The following TTC28 variants were observed in gnomAD, a reference collection of about 807,000 sequenced individuals.
TTC28 encodes tetratricopeptide repeat protein 28.
In TTC28, 61 loss-of-function variants were observed where a neutral mutation model predicts 198.0. That is an observed-to-expected ratio of 0.31 (90% confidence interval 0.25 to 0.38). The LOEUF (loss-of-function observed/expected upper bound fraction) is 0.38. TTC28 is among the 10% of genes least tolerant of loss of function. TTC28 has a pLI of 1.00. For synonymous variants in TTC28, 1,171 were observed against 1,297.8 expected (o/e 0.90, Z 2.10); for missense variants, 2,678 against 3,164.0 (o/e 0.85, Z 3.69).
At chr22:28,387,320 T>C (rs941604347) in intron 2 of TTC28, among the ~76,000 whole-genome samples, 18 of 152,228 alleles carry the variant, frequency 1.2e-4, no homozygotes, top group Admixed American at 2.6e-4. Context: ...GCATGTGTCT[T>C]TATAGCAGCA....
At chr22:28,002,565 C>A (rs565146278) in intron 14 of TTC28, 15 of 151,968 alleles carry the variant, frequency 9.9e-5, no homozygotes, top group South Asian at 6.2e-4. Context: ...CAAAGTGACA[C>A]ATGCCTGGCG....
At chr22:28,131,336 T>C (rs1243121298) in intron 6 of TTC28, among the ~76,000 whole-genome samples, 1 of 152,204 alleles carries the variant, frequency 6.6e-6, no homozygotes, top group East Asian at 1.9e-4. Context: ...TCCCAATGAA[T>C]CCATCATAAA....
intron 2 of TTC28, among the ~76,000 whole-genome samples, chr22:28,370,609 T>C (rs1397675923): frequency 1.3e-5 from 2 of 152,174 alleles, no homozygotes; most frequent in African/African-American, 4.8e-5. Context: ...ACATTTATAA[T>C]AATATATTTA....
At chr22:28,523,356 A>G (rs552385204) in intron 2 of TTC28, among the ~76,000 whole-genome samples, 15 of 152,350 alleles carry the variant, frequency 9.8e-5, no homozygotes, top group African/African-American at 3.6e-4. Context: ...CAGCAAAAGG[A>G]TATCACAATT....
At chr22:28,505,243 C>A (rs2048593493) in intron 2 of TTC28, among the ~76,000 whole-genome samples, 3 of 122,040 alleles carry the variant, frequency 2.5e-5, no homozygotes, top group Admixed American at 1.1e-4. Context: ...GGCAACAGAG[C>A]GAGACTCCGT....
intron 5 of TTC28, among the ~76,000 whole-genome samples, chr22:28,202,471 AG>A (rs1926050093): frequency 6.6e-6 from 1 of 151,900 alleles, no homozygotes; most frequent in East Asian, 1.9e-4. Context: ...TGGGAGACAA[AG>A]GTTGCAGTGA....
chr22:28,644,597 G>T (rs573993115), intron 1 of TTC28, among the ~76,000 whole-genome samples: 1 of 152,040 alleles, frequency 6.6e-6, no homozygotes, highest in African/African-American at 2.4e-5. Context: ...GGCCAAGACG[G>T]GCAAATCACT....
Position 28,005,846 on chromosome 22 carries a change from C to T in TTC28, c.4219-4293G>A, listed in dbSNP as rs1288280738. 6.6e-6 allele frequency among the ~76,000 whole-genome samples: 1 copy of T among 152,224 alleles called. No individual in the cohort carries two copies. Among genetic ancestry groups the T allele is most frequent in the Non-Finnish European group, 1.5e-5 (1 of 68,040 alleles). Reference sequence around the variant, plus strand: ...CAAACAGTGGACATATCTCTGTGTCCTGTGGGCTGAATCACACCTCCTCCC... The same window carrying T: ...CAAACAGTGGACATATCTCTGTGTCTTGTGGGCTGAATCACACCTCCTCCC... On this transcript the variant is annotated intron_variant, in intron 14 of 22. Transcript: ENST00000397906. The surrounding 1 kb of genome is among the most constrained non-coding windows in gnomAD (Gnocchi z 4.9).
chr22:27,995,639 C>T (rs1464236779), intron 17 of TTC28, among the ~76,000 whole-genome samples: 2 of 152,172 alleles, frequency 1.3e-5, no homozygotes, highest in African/African-American at 4.8e-5. Flanking sequence ...GACTCTGCGC[C>T]AAGTACTCAC....
At chr22:27,998,090 C>T (rs1440207915) in intron 16 of TTC28, 2 of 192,614 alleles carry the variant, frequency 1.0e-5, no homozygotes, top group Admixed American at 5.3e-5. Flanking sequence ...AAATGTGGAC[C>T]GGGTGGTGTC....
rs1462752312 is a variant in TTC28 at position 28,163,569 on chromosome 22, G to A, written c.964C>T (p.His322Tyr). Residue 322 changes from histidine to tyrosine, a missense_variant, in exon 6 of 23, where the codon CAC becomes TAC. His to Tyr is a moderately conservative substitution (Grantham distance 83). This residue lies in a region of TTC28 where 775 missense variants were observed against 845.9 expected (regional missense o/e 0.92). Coordinates refer to ENST00000397906, the MANE Select transcript of TTC28 (RefSeq NM_001145418.2). The stretch of plus-strand genomic sequence containing the variant: ...TAGTCTCCAATGGCTGTGTACACGT[G>A]GCCCAGACTGCTCAAGGCTGATGAA... ...AASSALSSLG[H>Y]VYTAIGDYPN... 3.9e-6 allele frequency: 6 copies of A among 1,549,198 alleles called. No homozygotes were observed. Among genetic ancestry groups the A allele is most frequent in the Non-Finnish European group, 5.2e-6 (6 of 1,145,748 alleles).
intron 2 of TTC28, among the ~76,000 whole-genome samples, chr22:28,489,110 C>T (rs1323509896): frequency 1.3e-5 from 2 of 152,020 alleles, no homozygotes. Context: ...AAAGCAAGAC[C>T]TTGTCTTTAC....
intron 2 of TTC28, among the ~76,000 whole-genome samples, chr22:28,575,699 C>T (rs1379154325): frequency 6.6e-6 from 1 of 152,052 alleles, no homozygotes; most frequent in Non-Finnish European, 1.5e-5. Context: ...CAGTGTTTTA[C>T]ACTTTTCATT....
At chr22:28,404,467 G>C (rs1222792048) in intron 2 of TTC28, among the ~76,000 whole-genome samples, 2 of 152,056 alleles carry the variant, frequency 1.3e-5, no homozygotes, top group African/African-American at 4.8e-5. Flanking sequence ...CGGTGTTGTT[G>C]GTAGATGTGG....
At chr22:28,027,850 G>A (rs16985904) in intron 13 of TTC28, among the ~76,000 whole-genome samples, 2,123 of 152,370 alleles carry the variant, frequency 0.014, 67 homozygotes, top group African/African-American at 0.049. Flanking sequence ...TTTGGCACCT[G>A]TTCATGGGCA....
At chr22:28,028,805 G>C (rs1055356175) in intron 13 of TTC28, 1 of 342,542 alleles carries the variant, frequency 2.9e-6, no homozygotes, top group Admixed American at 3.8e-5. Flanking sequence ...ACATTAAGTC[G>C]GTCAGTGTGT....
At chr22:28,211,674 T>C (rs1034374810) in intron 5 of TTC28, among the ~76,000 whole-genome samples, 2 of 151,856 alleles carry the variant, frequency 1.3e-5, no homozygotes, top group African/African-American at 4.8e-5. Flanking sequence ...TTCCAAACAA[T>C]AATAATGAGA....
intron 2 of TTC28, among the ~76,000 whole-genome samples, chr22:28,460,558 A>T (rs1362340778): frequency 6.6e-6 from 1 of 151,910 alleles, no homozygotes; most frequent in Non-Finnish European, 1.5e-5. Context: ...ATATATATGT[A>T]TGTATGTATG....
At chr22:28,632,329 A>G (rs1325517559) in intron 1 of TTC28, among the ~76,000 whole-genome samples, 2 of 119,922 alleles carry the variant, frequency 1.7e-5, no homozygotes, top group Admixed American at 1.2e-4. Context: ...GTGCAATGGC[A>G]TGATCTCGAC....
Sources: allele counts gnomAD v4.1 joint callset (sites outside exome capture counted in the v4.1 genomes callset), GRCh38; gene constraint gnomAD v4.1.1; regional missense constraint gnomAD v4.1.1; non-coding constraint Gnocchi (gnomAD v3.1); transcripts MANE v1.5; gene names NCBI Gene and HGNC (gene_info 2026-07-23, HGNC 2026-07-21).